SMARCA4: variants seen among roughly 807,000 people sequenced by gnomAD.
SMARCA4 encodes the protein SWI/SNF-related matrix-associated actin-dependent regulator of chromatin subfamily A member 4.
In SMARCA4, 31 loss-of-function variants were observed where a neutral mutation model predicts 193.9. That is an observed-to-expected ratio of 0.16 (90% CI 0.12 to 0.22). The LOEUF (loss-of-function observed/expected upper bound fraction) is 0.22. Among genes scored for constraint, SMARCA4 ranks in the 10% least tolerant of loss-of-function variants. SMARCA4 has a pLI of 1.00. For missense variants in SMARCA4, 1,148 were observed against 2,296.0 expected (o/e 0.50, Z 10.22); for synonymous variants, 942 against 933.1 (o/e 1.01, Z -0.17).
At position 11,033,710 on chromosome 19, in the gene SMARCA4, T is replaced by C. The variant is rs967957144; in HGVS notation, c.3775-57T>C. ...GAAGTGGTTTTTTTTTCTAAACTGCTGGTGAAAGACGCCGGATTGACAGCC... is the reference window on the plus strand; with the variant it reads ...GAAGTGGTTTTTTTTTCTAAACTGCCGGTGAAAGACGCCGGATTGACAGCC... On this transcript the variant is annotated intron_variant, in intron 26 of 34. Transcript: ENST00000344626. The surrounding 1 kb of genome is among the most constrained non-coding windows in gnomAD (Gnocchi z 9.8). 2 of 781,170 alleles carry C rather than the reference T, an allele frequency of 2.6e-6. No homozygotes were observed. Among genetic ancestry groups the C allele is most frequent in the African/African-American group, 3.4e-5 (2 of 59,104 alleles). 48.4% of individuals were successfully genotyped at this position (781,170 alleles called of 1,614,324 possible).
intron 29 of SMARCA4, among the ~76,000 whole-genome samples, chr19:11,037,610 T>C (rs765967882): frequency 3.3e-5 from 5 of 152,262 alleles, no homozygotes; most frequent in Admixed American, 1.3e-4. Context: ...TTCCGTGATA[T>C]CCGTTGAAGC....
rs746268639 is a variant in SMARCA4, at chr19:11,030,993, A to G, written c.3546+100A>G. 8.9e-6 allele frequency: 10 copies of G among 1,127,818 alleles called. No individual in the cohort carries two copies. The highest frequency in any genetic ancestry group is 6.6e-5 in the South Asian group (5 of 75,654). 69.9% of individuals were successfully genotyped at this position (1,127,818 alleles called of 1,614,324 possible). ...TTGAGGGTCCTCCAGCCTCCTCCAC[A>G]TTGTCTTGGACCCCAGGAGCCGGGA... On this transcript the variant is annotated intron_variant, in intron 25 of 34. Coordinates refer to ENST00000344626, the MANE Select transcript of SMARCA4 (RefSeq NM_003072.5). The surrounding 1 kb of genome is among the most constrained non-coding windows in gnomAD (Gnocchi z 5.5).
chr19:11,060,010 G>T (rs574940112), intron 33 of SMARCA4, 35 bp from the exon 34 acceptor site: 2 of 1,599,118 alleles, frequency 1.3e-6, no homozygotes, highest in East Asian at 4.5e-5. Context: ...CATTCCCAGA[G>T]CTCAAGGCTG....
intron 30 of SMARCA4, among the ~76,000 whole-genome samples, chr19:11,049,801 C>A (rs2076156830): frequency 6.6e-6 from 1 of 152,180 alleles, no homozygotes; most frequent in Non-Finnish European, 1.5e-5. Flanking sequence ...AGAGATGCTG[C>A]TACAATAAAG....
chr19:11,010,909 A>G, intron 15 of SMARCA4: 1 of 348,794 alleles, frequency 2.9e-6, no homozygotes, highest in Admixed American at 3.8e-5. Context: ...AGATCTGGGC[A>G]TCTGCATGCT....
chr19:11,046,400 A>G (rs557142340), intron 30 of SMARCA4, among the ~76,000 whole-genome samples: 154 of 152,316 alleles, frequency 1.0e-3, no homozygotes, highest in Non-Finnish European at 1.7e-3. Context: ...ATGTGGGAGG[A>G]TGCCTCAGTG....
At chr19:11,003,212 C>T (rs2146102246) in intron 12 of SMARCA4, 53 bp downstream of exon 12, 1 of 1,612,404 alleles carries the variant, frequency 6.2e-7, no homozygotes, top group Non-Finnish European at 8.5e-7. Context: ...CCTCGGTGGG[C>T]CTTGTTCCAG....
At chr19:11,007,392 T>C (rs2088328129) in intron 13 of SMARCA4, among the ~76,000 whole-genome samples, 1 of 142,088 alleles carries the variant, frequency 7.0e-6, no homozygotes, top group South Asian at 2.2e-4. Flanking sequence ...ATCACGCCAC[T>C]GCACTCCAGC....
Position 11,061,911 on chromosome 19 carries a change from G to T in SMARCA4, c.*95G>T. The stretch of plus-strand genomic sequence containing the variant: ...ACGGGTAGCAGCAGATGTAGTTTCA[G>T]ACTTGGAGTAAAACTGTATAAACAA... On this transcript the variant is annotated 3_prime_UTR_variant, in exon 35 of 35. Coordinates refer to ENST00000344626, the MANE Select transcript of SMARCA4 (RefSeq NM_003072.5). 1 of 1,153,754 alleles carries T rather than the reference G, an allele frequency of 8.7e-7. No individual in the cohort carries two copies. The allele number at this position is 1,153,754 out of a possible 1,614,324, so 71.5% of individuals were successfully genotyped here.
chr19:10,963,334 CT>C (rs1409184746), intron 1 of SMARCA4, among the ~76,000 whole-genome samples: 1 of 144,150 alleles, frequency 6.9e-6, no homozygotes, highest in Non-Finnish European at 1.5e-5. Context: ...TCTTGTGCCC[CT>C]GCATTCCAGC....
intron 1 of SMARCA4, among the ~76,000 whole-genome samples, chr19:10,978,750 C>T (rs1032104552): frequency 2.1e-4 from 32 of 151,200 alleles, no homozygotes; most frequent in Admixed American, 8.6e-4. Flanking sequence ...GCCAACATGG[C>T]GAAACCCCGT....
intron 1 of SMARCA4, among the ~76,000 whole-genome samples, chr19:10,972,403 C>CTT (rs56098845): frequency 2.9e-4 from 42 of 145,652 alleles, no homozygotes; most frequent in Admixed American, 9.0e-4. Context: ...GCCCTGAATA[C>CTT]TTTTTTTTTT....
intron 14 of SMARCA4, chr19:11,008,254 G>C: frequency 2.1e-6 from 1 of 469,760 alleles, no homozygotes; most frequent in Non-Finnish European, 4.1e-6. Flanking sequence ...GTACAGTCAG[G>C]TGTGCGGGAG....
rs771400025 is a variant in SMARCA4 at position 11,025,502 on chromosome 19, C to T, written c.3162C>T (p.His1054=). ...GCAACCACCCCTACATGTTCCAGCA[C>T]ATCGAGGTGAGCCCGCCGCGGCTGG... ...KICNHPYMFQ[H]IEESFSEHLG... is the part of the protein sequence containing the mutation. Residue 1054 remains histidine (H), a synonymous_variant, in exon 22 of 35, where the codon CAC becomes CAT. Transcript: ENST00000344626. 1.9e-6 allele frequency: 3 copies of T among 1,612,610 alleles called. No individual in the cohort carries two copies. The highest frequency in any genetic ancestry group is 2.5e-6 in the Non-Finnish European group (3 of 1,179,566).
intron 30 of SMARCA4, among the ~76,000 whole-genome samples, chr19:11,057,893 G>T (rs1383307375): frequency 1.3e-5 from 2 of 151,098 alleles, no homozygotes; most frequent in East Asian, 2.0e-4. Flanking sequence ...ACCTGAGGTC[G>T]GGAGTTTGAG....
intron 11 of SMARCA4, among the ~76,000 whole-genome samples, chr19:10,997,919 C>T (rs1447778145): frequency 1.3e-5 from 2 of 152,250 alleles, no homozygotes; most frequent in Non-Finnish European, 2.9e-5. Context: ...ATTGGTACAG[C>T]ACTGTTATCC....
At chr19:10,969,846 ATT>A (rs2084537950) in intron 1 of SMARCA4, among the ~76,000 whole-genome samples, 1 of 136,134 alleles carries the variant, frequency 7.3e-6, no homozygotes, top group African/African-American at 2.5e-5. Context: ...AATTAAAGTC[ATT>A]ATCAGACCGT....
At chr19:11,024,980 C>T (rs1411836212) in intron 21 of SMARCA4, among the ~76,000 whole-genome samples, 2 of 150,184 alleles carry the variant, frequency 1.3e-5, no homozygotes, top group South Asian at 2.1e-4. Context: ...CCAGAGCATG[C>T]ACCCCCCGCC....
chr19:10,991,400 G>A (rs2086552210), intron 8 of SMARCA4, 77 bp downstream of exon 8: 12 of 1,545,380 alleles, frequency 7.8e-6, no homozygotes, highest in Non-Finnish European at 1.0e-5. Flanking sequence ...CCACGGGGCT[G>A]TGTTTGCTTT....
Sources: gnomAD v4.1 joint callset for allele counts (sites outside exome capture counted in the v4.1 genomes callset) on GRCh38, gnomAD v4.1.1 for gene constraint, Gnocchi (gnomAD v3.1) non-coding constraint, MANE v1.5 for transcripts, NCBI Gene and HGNC (gene_info 2026-07-23, HGNC 2026-07-21) for gene names.